The following STXBP6 variants were observed in gnomAD, a reference collection of about 807,000 sequenced individuals.
STXBP6 encodes syntaxin binding protein 6.
In STXBP6, 21 loss-of-function variants were observed where a neutral mutation model predicts 26.9. The ratio of observed to expected loss-of-function variants is 0.78; its 90% confidence interval spans 0.55 to 1.12. The LOEUF (loss-of-function observed/expected upper bound fraction) is 1.12. STXBP6 is among the 50% of genes most tolerant of loss of function. STXBP6 has a pLI of 0.00. For missense variants in STXBP6, 232 were observed against 257.9 expected, an observed-to-expected ratio of 0.90 and a Z score of 0.69; for synonymous variants, 97 against 92.6, an observed-to-expected ratio of 1.05 and a Z score of -0.27.
chr14:24,984,127 G>A (rs1175149762), intron 1 of STXBP6, among the ~76,000 whole-genome samples: 1 of 152,120 alleles, frequency 6.6e-6, no homozygotes, highest in Admixed American at 6.5e-5. Flanking sequence ...AGCTACTTGG[G>A]GGGCTGAGGC....
At chr14:24,837,258 G>A (rs1035128866) in intron 4 of STXBP6, among the ~76,000 whole-genome samples, 1 of 152,166 alleles carries the variant, frequency 6.6e-6, no homozygotes, top group Non-Finnish European at 1.5e-5. Context: ...GAAAAGTGGT[G>A]TAAGAACTAT....
rs115961817 is a variant in STXBP6, at chr14:24,944,088, C to T, written c.154+30577G>A. The stretch of plus-strand genomic sequence containing the variant: ...TTAGCCAGTCAAAATGTAGCATCCT[C>T]CACAAGAAGAGGCTCAGGCTATGCA... On this transcript the variant is annotated intron_variant, in intron 2 of 5. Coordinates refer to ENST00000323944, the MANE Select transcript of STXBP6 (RefSeq NM_001394410.1). 5.0e-3 allele frequency among the ~76,000 whole-genome samples: 755 copies of T among 152,318 alleles called. 11 individuals are homozygous for T. The highest frequency in any genetic ancestry group is 0.017 in the African/African-American group (704 of 41,558).
chr14:24,909,267 G>A (rs1164354697), intron 2 of STXBP6, among the ~76,000 whole-genome samples: 2 of 152,220 alleles, frequency 1.3e-5, no homozygotes, highest in African/African-American at 4.8e-5. Context: ...CCCTTTCACA[G>A]GGGCACTCCA....
intron 2 of STXBP6, among the ~76,000 whole-genome samples, chr14:24,898,039 G>GTT (rs199707687): frequency 6.6e-6 from 1 of 152,186 alleles, no homozygotes; most frequent in African/African-American, 2.4e-5. Flanking sequence ...ATGTGTTTCT[G>GTT]TACACGAGGT....
intron 4 of STXBP6, among the ~76,000 whole-genome samples, chr14:24,825,427 C>T (rs903139538): frequency 2.0e-5 from 3 of 152,110 alleles, no homozygotes; most frequent in Non-Finnish European, 4.4e-5. Context: ...TTTCAAGGAC[C>T]AAGAAACTTA....
Position 24,810,204 on chromosome 14 carries a change from T to A in STXBP6, c.*2505A>T, listed in dbSNP as rs1353983789. The A allele has an allele frequency of 6.6e-6, 1 of 152,234 alleles. No individual in the cohort carries two copies. Among genetic ancestry groups the A allele is most frequent in the Admixed American group, 6.5e-5 (1 of 15,282 alleles). The allele number at this position is 152,234 out of a possible 1,614,324, so 9.4% of individuals were successfully genotyped here. On this transcript the variant is annotated 3_prime_UTR_variant, in exon 6 of 6. Transcript: ENST00000323944. ...CAGAAATATAGTATCCCAAAATTCA[T>A]AGAGAAGTGCAGAAATGAAACAAAT...
At chr14:24,821,165 A>G (rs1338168899) in intron 4 of STXBP6, among the ~76,000 whole-genome samples, 1 of 152,192 alleles carries the variant, frequency 6.6e-6, no homozygotes, top group Non-Finnish European at 1.5e-5. Flanking sequence ...CCTTCCATAT[A>G]TTCACAGCTG....
chr14:24,954,933 T>G (rs1019756108), intron 2 of STXBP6, among the ~76,000 whole-genome samples: 2 of 152,192 alleles, frequency 1.3e-5, no homozygotes, highest in East Asian at 3.9e-4. Context: ...TCTGTGACAC[T>G]GGGCAAGTTA....
intron 1 of STXBP6, among the ~76,000 whole-genome samples, chr14:25,048,419 C>G (rs2075757371): frequency 6.6e-6 from 1 of 152,164 alleles, no homozygotes; most frequent in Non-Finnish European, 1.5e-5. Context: ...AACTTGACCT[C>G]AAGTCTGTCT....
intron 2 of STXBP6, among the ~76,000 whole-genome samples, chr14:24,882,855 T>A (rs779212617): frequency 1.3e-5 from 2 of 152,230 alleles, no homozygotes; most frequent in Non-Finnish European, 2.9e-5. Context: ...ATCTAAAAGC[T>A]GGCAACACTT....
chr14:25,049,629 G>C lies in STXBP6; in HGVS notation c.-33+249C>G. On this transcript the variant is annotated intron_variant, in intron 1 of 5. Transcript: ENST00000323944. This position sits in a 1 kb window ranked among gnomAD's most constrained non-coding sequence, Gnocchi z 5.6. The stretch of plus-strand genomic sequence containing the variant: ...ATACTGCCCGCACAACGGGTCCCAG[G>C]GTTGGAGAGAACCAGGGACACGAGT... 1 of 985,460 alleles carries C rather than the reference G, an allele frequency of 1.0e-6. No homozygotes were observed. The highest frequency in any genetic ancestry group is 6.1e-5 in the Admixed American group (1 of 16,292). 61.0% of individuals were successfully genotyped at this position (985,460 alleles called of 1,614,324 possible).
chr14:24,841,701 A>G (rs951104940), intron 4 of STXBP6, among the ~76,000 whole-genome samples: 1 of 152,160 alleles, frequency 6.6e-6, no homozygotes, highest in Non-Finnish European at 1.5e-5. Flanking sequence ...TATTCTATCA[A>G]ATGAGTCTAT....
intron 1 of STXBP6, among the ~76,000 whole-genome samples, chr14:25,006,107 C>T (rs956862062): frequency 1.3e-5 from 2 of 152,200 alleles, no homozygotes; most frequent in African/African-American, 2.4e-5. Flanking sequence ...CAAACACCTC[C>T]GAACTTTGTT....
intron 1 of STXBP6, among the ~76,000 whole-genome samples, chr14:24,997,638 A>C (rs1012955695): frequency 6.6e-6 from 1 of 152,264 alleles, no homozygotes; most frequent in Non-Finnish European, 1.5e-5. Context: ...TAAGTATTTT[A>C]AAATATTTAT....
chr14:25,049,516 G>A lies in STXBP6; in HGVS notation c.-33+362C>T. ...GGGAGCCTCGGGGCAGCATTCTCGGGGCCCATGCCATCGCGGGGACGGTGC... is the reference window on the plus strand; with the variant it reads ...GGGAGCCTCGGGGCAGCATTCTCGGAGCCCATGCCATCGCGGGGACGGTGC... On this transcript the variant is annotated intron_variant, in intron 1 of 5. Transcript: ENST00000323944. The surrounding 1 kb of genome is among the most constrained non-coding windows in gnomAD (Gnocchi z 5.6). 1.0e-6 allele frequency: 1 copy of A among 985,520 alleles called. No homozygotes were observed. Among genetic ancestry groups the A allele is most frequent in the Non-Finnish European group, 1.2e-6 (1 of 830,026 alleles). The allele number at this position is 985,520 out of a possible 1,614,324, so 61.0% of individuals were successfully genotyped here.
chr14:25,028,576 T>C (rs2075392108), intron 1 of STXBP6, among the ~76,000 whole-genome samples: 1 of 151,840 alleles, frequency 6.6e-6, no homozygotes, highest in South Asian at 2.1e-4. Flanking sequence ...AGAGCTCTAA[T>C]GGAGAGGTAC....
At chr14:24,858,480 C>G (rs951802428) in intron 2 of STXBP6, among the ~76,000 whole-genome samples, 4 of 152,048 alleles carry the variant, frequency 2.6e-5, no homozygotes, top group African/African-American at 7.2e-5. Context: ...GTTTATCACC[C>G]ATTATTTCAG....
intron 1 of STXBP6, among the ~76,000 whole-genome samples, chr14:25,035,878 C>T (rs767886554): frequency 4.6e-5 from 7 of 152,068 alleles, no homozygotes; most frequent in African/African-American, 1.2e-4. Flanking sequence ...TCTATGTAGT[C>T]GCAGGAGAAA....
At chr14:24,969,053 C>T (rs1054366469) in intron 2 of STXBP6, among the ~76,000 whole-genome samples, 1 of 152,122 alleles carries the variant, frequency 6.6e-6, no homozygotes, top group East Asian at 1.9e-4. Flanking sequence ...AAATAAAGGG[C>T]AGTATTGGCA....
Sources: allele counts gnomAD v4.1 joint callset (sites outside exome capture counted in the v4.1 genomes callset), GRCh38; gene constraint gnomAD v4.1.1; non-coding constraint Gnocchi (gnomAD v3.1); transcripts MANE v1.5; gene names NCBI Gene and HGNC (gene_info 2026-07-23, HGNC 2026-07-21).